Variants in CALB2 observed in about 807,000 individuals in gnomAD.
CALB2 encodes calbindin 2.
A neutral mutation model predicts 45.9 loss-of-function variants in CALB2; 34 were observed. The ratio of observed to expected loss-of-function variants is 0.74; its 90% CI spans 0.56 to 0.99. CALB2 has a LOEUF of 0.99. CALB2 is among the 50% of genes least tolerant of loss of function. The pLI is 0.00. For missense variants in CALB2, 344 were observed against 339.3 expected (o/e 1.01, Z -0.11); for synonymous variants, 142 against 129.6 (o/e 1.10, Z -0.65).
chr16:71,368,094 T>C (rs993414209), intron 1 of CALB2, among the ~76,000 whole-genome samples: 4 of 152,220 alleles, frequency 2.6e-5, no homozygotes, highest in Non-Finnish European at 5.9e-5. Context: ...GGAAACACCA[T>C]GTTTAAATTC....
rs1442095182 is a variant in CALB2, at chr16:71,390,221, C to T, written c.*356C>T. On this transcript the variant is annotated 3_prime_UTR_variant, in exon 11 of 11. Transcript: ENST00000302628. ...ACTCTTCCCTCTCGCTCCCCTCTGC[C>T]GGTCCCCCATGCCACCACCCACCCC... 3 of 184,034 alleles carry T rather than the reference C, an allele frequency of 1.6e-5. No individual in the cohort carries two copies. The highest frequency in any genetic ancestry group is 1.3e-4 in the East Asian group (1 of 7,458). 11.4% of individuals were successfully genotyped at this position (184,034 alleles called of 1,614,324 possible).
intron 10 of CALB2, among the ~76,000 whole-genome samples, chr16:71,387,508 A>G (rs2042584452): frequency 6.7e-6 from 1 of 150,262 alleles, no homozygotes; most frequent in South Asian, 2.1e-4. Context: ...TTCCATTTGG[A>G]TGGTGCCTGC....
chr16:71,382,067 G>A (rs2042500622), intron 4 of CALB2, among the ~76,000 whole-genome samples: 1 of 123,564 alleles, frequency 8.1e-6, no homozygotes, highest in Non-Finnish European at 1.8e-5. Context: ...AGAGGGGGAG[G>A]GGGAGGGGGA....
intron 4 of CALB2, among the ~76,000 whole-genome samples, chr16:71,382,048 A>AGGAGGG (rs2042499774): frequency 9.6e-6 from 1 of 104,444 alleles, no homozygotes; most frequent in Admixed American, 1.2e-4. Flanking sequence ...GAGGAGTAGG[A>AGGAGGG]GGAGGAGGAG....
At chr16:71,378,201 G>A (rs1009431366) in intron 4 of CALB2, among the ~76,000 whole-genome samples, 1 of 152,094 alleles carries the variant, frequency 6.6e-6, no homozygotes, top group African/African-American at 2.4e-5. Context: ...TCTCAGCTTG[G>A]GTGACAGAGA....
At chr16:71,388,249 G>A (rs983899287) in intron 10 of CALB2, among the ~76,000 whole-genome samples, 29 of 150,478 alleles carry the variant, frequency 1.9e-4, no homozygotes, top group African/African-American at 7.1e-4. Context: ...CAAAAGGATC[G>A]CTTGAGCCCA....
chr16:71,382,625 C>A, intron 4 of CALB2, 94 bp from the exon 5 acceptor site: 1 of 1,195,716 alleles, frequency 8.4e-7, no homozygotes, highest in Non-Finnish European at 1.2e-6. Context: ...TCTTGAAGAT[C>A]AAGACCCTGG....
At chr16:71,389,309 A>G (rs567537544) in intron 10 of CALB2, among the ~76,000 whole-genome samples, 2 of 152,350 alleles carry the variant, frequency 1.3e-5, no homozygotes, top group South Asian at 4.1e-4. Flanking sequence ...ACCTGCAGTG[A>G]GCCAGTTTGG....
chr16:71,379,786 ACAGT>A (rs1206538987), intron 4 of CALB2, among the ~76,000 whole-genome samples: 3 of 127,370 alleles, frequency 2.4e-5, no homozygotes, highest in Non-Finnish European at 5.8e-5. Context: ...TCCTGGGCAG[ACAGT>A]CAGTGAGAAA....
At chr16:71,372,413 C>T (rs1369393742) in intron 2 of CALB2, among the ~76,000 whole-genome samples, 184 bp downstream of exon 2, 1 of 152,104 alleles carries the variant, frequency 6.6e-6, no homozygotes, top group Non-Finnish European at 1.5e-5. Flanking sequence ...CCTTGGGTGT[C>T]TGGGATTGAG....
At chr16:71,386,367 A>G (rs1262504972) in intron 10 of CALB2, among the ~76,000 whole-genome samples, 1 of 152,224 alleles carries the variant, frequency 6.6e-6, no homozygotes, top group African/African-American at 2.4e-5. Flanking sequence ...TTTCCACACA[A>G]AGAGAGATTC....
intron 1 of CALB2, 55 bp downstream of exon 1, chr16:71,358,941 A>G (rs1424810813): frequency 1.4e-6 from 2 of 1,464,502 alleles, no homozygotes; most frequent in Non-Finnish European, 1.9e-6. Flanking sequence ...CCTGCGGTGA[A>G]GGGGGCAGGG....
Position 71,358,885 on chromosome 16 carries a change from C to T in CALB2, c.93C>T (p.Asp31=), listed in dbSNP as rs1243674524. ...AAATATGGAAGCACTTTGACGCAGA[C>T]GGTCAGTAAAGCTCCCAACTTCTGT... ...FLEIWKHFDA[D]GNGYIEGKEL... is the part of the protein sequence containing the mutation. Residue 31 remains aspartate (D), a splice_region_variant and synonymous_variant, in exon 1 of 11, where the codon GAC becomes GAT. Coordinates refer to ENST00000302628, the MANE Select transcript of CALB2 (RefSeq NM_001740.5). 1 of 1,612,434 alleles carries T rather than the reference C, an allele frequency of 6.2e-7. No individual in the cohort carries two copies. Among genetic ancestry groups the T allele is most frequent in the Non-Finnish European group, 8.5e-7 (1 of 1,179,344 alleles).
At chr16:71,374,365 T>C (rs1416861127) in intron 2 of CALB2, among the ~76,000 whole-genome samples, 1 of 152,210 alleles carries the variant, frequency 6.6e-6, no homozygotes. Flanking sequence ...CTGGATTAAG[T>C]TCAGTTTGAT....
At chr16:71,385,556 T>TTA in intron 9 of CALB2, 21 bp from the exon 10 acceptor site, 1 of 1,613,168 alleles carries the variant, frequency 6.2e-7, no homozygotes, top group Non-Finnish European at 8.5e-7. Context: ...AGCTCTGGGT[T>TTA]GACTCTGCTC....
At position 71,363,650 on chromosome 16, in the gene CALB2, TGAACGG is replaced by T. The variant is rs373573121; in HGVS notation, c.94+4769_94+4774del. Among the ~76,000 whole-genome samples, 3 of 152,344 alleles carry T rather than the reference TGAACGG, an allele frequency of 2.0e-5. No individual in the cohort carries two copies. In the East Asian group the frequency reaches 5.8e-4, roughly 29 times the overall value. Reference sequence around the variant, plus strand: ...TTAGAACAGCAGCACCTCTCAGAGATGAACGGGAACCTGGGCAACTGGCCCTGGGCG... The same window carrying T: ...TTAGAACAGCAGCACCTCTCAGAGATGAACCTGGGCAACTGGCCCTGGGCG... On this transcript the variant is annotated intron_variant, in intron 1 of 10. Coordinates refer to ENST00000302628, the MANE Select transcript of CALB2 (RefSeq NM_001740.5).
chr16:71,384,079 T>G, intron 7 of CALB2, 54 bp downstream of exon 7: 1 of 1,571,272 alleles, frequency 6.4e-7, no homozygotes. Flanking sequence ...GTCATTCCTG[T>G]GTTATCCGTC....
At position 71,358,838 on chromosome 16, in the gene CALB2, C is replaced by G. The variant is rs748187694; in HGVS notation, c.46C>G (p.Leu16Val). The G allele has an allele frequency of 6.2e-7, 1 of 1,612,822 alleles. No homozygotes were observed. The highest frequency in any genetic ancestry group is 8.5e-7 in the Non-Finnish European group (1 of 1,179,804). The change falls in exon 1 of 11, where the codon CTG becomes GTG. Residue 16 changes from leucine (L) to valine (V), a missense_variant. Coordinates refer to ENST00000302628, the MANE Select transcript of CALB2 (RefSeq NM_001740.5). The stretch of plus-strand genomic sequence containing the variant: ...GCCCCCTTACCTGCACCTGGCCGAG[C>G]TGACGGCGTCCCAGTTCCTGGAAAT... ...QQPPYLHLAE[L>V]TASQFLEIWK...
At chr16:71,381,951 G>A (rs1282687720) in intron 4 of CALB2, among the ~76,000 whole-genome samples, 1 of 150,918 alleles carries the variant, frequency 6.6e-6, no homozygotes, top group East Asian at 2.0e-4. Flanking sequence ...GGAGGTAGAG[G>A]CTACAGTAAG....
Sources: allele counts gnomAD v4.1 joint callset (sites outside exome capture counted in the v4.1 genomes callset), GRCh38; gene constraint gnomAD v4.1.1; transcripts MANE v1.5; gene names NCBI Gene and HGNC (gene_info 2026-07-23, HGNC 2026-07-21).